SLC9A8: variants seen among roughly 807,000 people sequenced by gnomAD.
SLC9A8 encodes sodium/hydrogen exchanger 8.
SLC9A8 carries 48 observed loss-of-function variants against 66.6 expected under a neutral mutation model. That is an observed-to-expected ratio of 0.72 (90% CI 0.57 to 0.92). The LOEUF (loss-of-function observed/expected upper bound fraction) is 0.92. Among genes scored for constraint, SLC9A8 ranks in the 40% least tolerant of loss-of-function variants. SLC9A8 has a pLI of 0.00. For missense variants in SLC9A8, 599 were observed against 747.3 expected (o/e 0.80, Z 2.31); for synonymous variants, 274 against 282.6 (o/e 0.97, Z 0.31).
In SLC9A8 at chr20:49,889,812, A is replaced by C. The variant is rs2090001832; in HGVS notation, c.*1876A>C. ...CAGATTGTTCTCGCACCCCTGCCAG[A>C]ACTCACTCTCCCCTGAAGTTTAGGG... On this transcript the variant is annotated 3_prime_UTR_variant, in exon 16 of 16. Transcript: ENST00000361573. 6.6e-6 allele frequency: 1 copy of C among 152,164 alleles called. No individual in the cohort carries two copies. The allele number at this position is 152,164 out of a possible 1,614,324, so 9.4% of individuals were successfully genotyped here.
rs1210746116 is a variant in SLC9A8, at chr20:49,878,434, AAAG to A, written c.1158+374_1158+376del. Among the ~76,000 whole-genome samples, 21 of 152,348 alleles carry A rather than the reference AAAG, an allele frequency of 1.4e-4. 1 individual carries two copies. The South Asian group carries it at 1.9e-3, about 14-fold the overall frequency. On this transcript the variant is annotated intron_variant, in intron 12 of 15. Coordinates refer to ENST00000361573, the MANE Select transcript of SLC9A8 (RefSeq NM_015266.3). Reference sequence around the variant, plus strand: ...CATGTAAAAATATTATGCACAGAAAAAAGAAAATATGTAAAGAAAATATAGCCA... The same window carrying A: ...CATGTAAAAATATTATGCACAGAAAAAAAATATGTAAAGAAAATATAGCCA...
chr20:49,825,670 G>A (rs1014957255), intron 3 of SLC9A8, among the ~76,000 whole-genome samples: 1 of 152,086 alleles, frequency 6.6e-6, no homozygotes, highest in Admixed American at 6.6e-5. Context: ...AAAATTGGTG[G>A]GGGTAGGGGC....
intron 10 of SLC9A8, 38 bp downstream of exon 10, chr20:49,864,882 C>A: frequency 1.5e-6 from 2 of 1,318,214 alleles, no homozygotes; most frequent in Non-Finnish European, 2.2e-6. Context: ...GTGGTGATGG[C>A]ATCTTGTCCT....
At chr20:49,843,843 G>A (rs2146581494) in intron 4 of SLC9A8, among the ~76,000 whole-genome samples, 1 of 152,270 alleles carries the variant, frequency 6.6e-6, no homozygotes, top group Admixed American at 6.5e-5. Flanking sequence ...TCATGGGGGT[G>A]GACCCTCATG....
intron 3 of SLC9A8, chr20:49,830,205 G>A (rs1378901644): frequency 1.5e-5 from 12 of 813,202 alleles, no homozygotes; most frequent in African/African-American, 5.0e-5. Flanking sequence ...CAGCACGGCC[G>A]TGAATGGCAG....
chr20:49,830,412 C>CGT (rs1297678501), intron 3 of SLC9A8: 1 of 825,530 alleles, frequency 1.2e-6, no homozygotes, highest in Admixed American at 1.7e-5. Flanking sequence ...CACTTTCGCC[C>CGT]GTGTGTTGGA....
intron 3 of SLC9A8, among the ~76,000 whole-genome samples, chr20:49,833,959 T>A (rs970979876): frequency 1.3e-5 from 2 of 151,888 alleles, no homozygotes; most frequent in Non-Finnish European, 2.9e-5. Context: ...TGAATATTTT[T>A]AAATATAAGC....
intron 3 of SLC9A8, among the ~76,000 whole-genome samples, chr20:49,827,915 G>C (rs1399284474): frequency 2.0e-5 from 3 of 151,910 alleles, no homozygotes; most frequent in Admixed American, 2.0e-4. Flanking sequence ...AACCATATTT[G>C]TGCTATTTAA....
In SLC9A8 at chr20:49,881,183, G is replaced by A. The variant is rs972376797; in HGVS notation, c.1270+148G>A. 6.4e-6 allele frequency: 4 copies of A among 629,094 alleles called. No individual in the cohort carries two copies. In the African/African-American group the frequency reaches 7.3e-5, roughly 11 times the overall value. The allele number at this position is 629,094 out of a possible 1,614,324, so 39.0% of individuals were successfully genotyped here. A position where few individuals can be genotyped will look rare whatever the true frequency, so the allele number is the denominator to read the frequency against. On this transcript the variant is annotated intron_variant, in intron 13 of 15. Coordinates refer to ENST00000361573, the MANE Select transcript of SLC9A8 (RefSeq NM_015266.3). ...TAATGGCACCCACTGCAATCAAGAT[G>A]GTGCCCCTCACCATGGTGCTATGAA...
chr20:49,886,622 A>T lies in SLC9A8; in HGVS notation c.1492-130A>T, dbSNP rs896067704. The T allele has an allele frequency of 6.3e-6, 7 of 1,111,810 alleles. No individual in the cohort carries two copies. Among genetic ancestry groups the T allele is most frequent in the Admixed American group, 2.3e-5 (1 of 42,990 alleles). The allele number at this position is 1,111,810 out of a possible 1,614,324, so 68.9% of individuals were successfully genotyped here. A position where few individuals can be genotyped will look rare whatever the true frequency, so the allele number is the denominator to read the frequency against. ...CCCAGGAGGCCGTCTGCTGCCCGTC[A>T]CCCTGCATTGATGGTCAAGTGGAGT... On this transcript the variant is annotated intron_variant, in intron 14 of 15. Coordinates refer to ENST00000361573, the MANE Select transcript of SLC9A8 (RefSeq NM_015266.3). The surrounding 1 kb of genome is among the most constrained non-coding windows in gnomAD (Gnocchi z 4.8).
intron 4 of SLC9A8, among the ~76,000 whole-genome samples, chr20:49,841,522 A>G (rs1480209566): frequency 1.3e-5 from 2 of 151,902 alleles, no homozygotes; most frequent in Non-Finnish European, 2.9e-5. Context: ...CTGTATTATC[A>G]TGTGCTTAAT....
At chr20:49,843,243 C>T (rs542594925) in intron 4 of SLC9A8, among the ~76,000 whole-genome samples, 2 of 152,014 alleles carry the variant, frequency 1.3e-5, no homozygotes, top group Admixed American at 6.6e-5. Flanking sequence ...TATAGTGGTC[C>T]TGCTGCACAG....
intron 3 of SLC9A8, chr20:49,829,878 C>G (rs965422142): frequency 1.8e-6 from 1 of 568,936 alleles, no homozygotes; most frequent in South Asian, 1.4e-5. Flanking sequence ...GGGGTGTCTT[C>G]GGGCTCTTCA....
intron 10 of SLC9A8, 100 bp from the exon 11 acceptor site, chr20:49,874,605 A>G (rs2089348999): frequency 1.3e-6 from 1 of 764,610 alleles, no homozygotes; most frequent in Non-Finnish European, 2.3e-6. Flanking sequence ...CTTTTTCTTA[A>G]ACCCTCTAAT....
chr20:49,885,191 T>A (rs1230700028), intron 14 of SLC9A8, among the ~76,000 whole-genome samples: 1 of 152,184 alleles, frequency 6.6e-6, no homozygotes, highest in African/African-American at 2.4e-5. Context: ...ATCTACCAAC[T>A]TTTTTGTTTT....
At chr20:49,856,584 G>A (rs1438352990) in intron 8 of SLC9A8, among the ~76,000 whole-genome samples, 1 of 152,224 alleles carries the variant, frequency 6.6e-6, no homozygotes, top group East Asian at 1.9e-4. Flanking sequence ...CACTTTGGAA[G>A]GCCAAGGCGG....
At chr20:49,865,020 T>C (rs976863859) in intron 10 of SLC9A8, among the ~76,000 whole-genome samples, 176 bp downstream of exon 10, 3 of 152,252 alleles carry the variant, frequency 2.0e-5, no homozygotes, top group Non-Finnish European at 4.4e-5. Context: ...TAGGCCTGCC[T>C]GGATCCAGGG....
intron 2 of SLC9A8, among the ~76,000 whole-genome samples, chr20:49,819,053 A>G (rs1267608946): frequency 6.6e-6 from 1 of 152,196 alleles, no homozygotes; most frequent in Admixed American, 6.5e-5. Flanking sequence ...AAAACTCTGT[A>G]GTTACTTTTG....
chr20:49,818,099 A>G (rs8118160), intron 2 of SLC9A8, among the ~76,000 whole-genome samples: 83,205 of 151,990 alleles, frequency 0.55, 24,476 homozygotes, highest in African/African-American at 0.76. Flanking sequence ...TTTTAAAGTA[A>G]CTTCCAGGGC....
Sources: allele counts gnomAD v4.1 joint callset (sites outside exome capture counted in the v4.1 genomes callset), GRCh38; gene constraint gnomAD v4.1.1; non-coding constraint Gnocchi (gnomAD v3.1); transcripts MANE v1.5; gene names NCBI Gene and HGNC (gene_info 2026-07-23, HGNC 2026-07-21).